Variants in TXNDC8 observed in about 807,000 individuals in gnomAD.
TXNDC8 encodes the protein thioredoxin domain-containing protein 8.
Under a neutral mutation model 12.9 loss-of-function variants are expected in TXNDC8, and 15 were observed. The observed-to-expected ratio is 1.16, with a 90% CI of 0.78 to 1.79. The LOEUF is 1.79. Ranked by LOEUF, TXNDC8 falls within the 40% of genes most tolerant of loss-of-function variation. The pLI is 0.00. For missense variants in TXNDC8, 128 were observed against 113.2 expected (o/e 1.13, Z -0.59); for synonymous variants, 40 against 35.4 (o/e 1.13, Z -0.46).
At chr9:110,326,110 T>C (rs183644281) in intron 3 of TXNDC8, 65 bp downstream of exon 4, 495 of 1,560,028 alleles carry the variant, frequency 3.2e-4, no homozygotes, top group Non-Finnish European at 3.9e-4. Flanking sequence ...ACAGCCAGGC[T>C]TTTTTGAGGG....
downstream of TXNDC8, among the ~76,000 whole-genome samples, chr9:110,303,357 A>T (rs1229901954): frequency 6.6e-6 from 1 of 152,264 alleles, no homozygotes; most frequent in Admixed American, 6.5e-5. Flanking sequence ...ATATTGCAAC[A>T]GTTTTTAGCA....
At chr9:110,321,724 G>GAA (rs60564039) in intron 3 of TXNDC8, among the ~76,000 whole-genome samples, 14,655 of 141,536 alleles carry the variant, frequency 0.1, 910 homozygotes, top group Admixed American at 0.14. Flanking sequence ...TCAGTTCTAT[G>GAA]AAAAAAAAAA....
At chr9:110,313,598 G>A (rs185445932) in intron 3 of TXNDC8, among the ~76,000 whole-genome samples, 215 of 152,320 alleles carry the variant, frequency 1.4e-3, no homozygotes, top group Non-Finnish European at 2.1e-3. Context: ...CTACTTGGGA[G>A]GCTGAGGCAG....
chr9:110,330,682 C>T (rs1839512601), intron 2 of TXNDC8, among the ~76,000 whole-genome samples: 1 of 152,166 alleles, frequency 6.6e-6, no homozygotes, highest in African/African-American at 2.4e-5. Context: ...TCTACCTGTT[C>T]TTTTAAATAA....
At chr9:110,307,311 A>T (rs1838506905) in intron 3 of TXNDC8, among the ~76,000 whole-genome samples, 1 of 152,050 alleles carries the variant, frequency 6.6e-6, no homozygotes, top group Non-Finnish European at 1.5e-5. Flanking sequence ...ATTGATGACC[A>T]TAGGCCTGTG....
intron 2 of TXNDC8, among the ~76,000 whole-genome samples, chr9:110,326,940 GCACACA>G (rs377527245): frequency 0.012 from 1,722 of 143,024 alleles, 32 homozygotes; most frequent in African/African-American, 0.042. Flanking sequence ...TGCTACTCAT[GCACACA>G]CACACACACA....
rs142450035 is a variant in TXNDC8 at position 110,314,807 on chromosome 9, C to T, written c.196-10275G>A. On this transcript the variant is annotated intron_variant, in intron 3 of 4. Transcript: ENST00000423740. ...TTCACATTGTTTTCTCGTTTTATTC[C>T]GATGTCGGGTTATGCCTCTCAAAGG... Among the ~76,000 whole-genome samples, 128 of 152,210 alleles carry T rather than the reference C, an allele frequency of 8.4e-4. 3 individuals are homozygous for T. In the East Asian group the frequency reaches 0.018, roughly 22 times the overall value.
chr9:110,304,484 C>T lies in TXNDC8; in HGVS notation c.244G>A (p.Gly82Arg). 6.2e-7 allele frequency: 1 copy of T among 1,609,154 alleles called. No individual in the cohort carries two copies. The highest frequency in any genetic ancestry group is 8.5e-7 in the Non-Finnish European group (1 of 1,176,942). Residue 82 changes from glycine to arginine, a missense_variant, in exon 4 of 5, where the codon GGA becomes AGA. Physicochemically the swap from Gly to Arg is moderately radical, Grantham distance 125 (BLOSUM62 -2). Coordinates refer to ENST00000423740, the MANE Select transcript of TXNDC8 (RefSeq NM_001286946.2). ...TCACTTACCAGGTTGCTCATGAATC[C>T]ACTTCTATAACAGCAAATTATTCTT...
chr9:110,326,935 C>T (rs1463797451), intron 2 of TXNDC8, among the ~76,000 whole-genome samples: 1 of 132,004 alleles, frequency 7.6e-6, no homozygotes, highest in Non-Finnish European at 1.6e-5. Context: ...TGCCCTGCTA[C>T]TCATGCACAC....
intron 3 of TXNDC8, among the ~76,000 whole-genome samples, chr9:110,306,320 T>TGGA (rs1838466720): frequency 6.6e-6 from 1 of 152,248 alleles, no homozygotes; most frequent in African/African-American, 2.4e-5. Context: ...CCATATGTTT[T>TGGA]ACCTTGGTCA....
chr9:110,306,619 C>T lies in TXNDC8; in HGVS notation c.196-2087G>A, dbSNP rs1017278818. On this transcript the variant is annotated intron_variant, in intron 3 of 4. Transcript: ENST00000423740. The stretch of plus-strand genomic sequence containing the variant: ...TACTTAATAAGTGCCTACTATGAGC[C>T]ACACTTACTGTGAACAAAACTGACA... Among the ~76,000 whole-genome samples, 2 of 152,188 alleles carry T rather than the reference C, an allele frequency of 1.3e-5. 1 individual carries two copies.
rs201113003 is a variant in TXNDC8, at chr9:110,325,513, CTTTTTTTTT to C, written c.195+653_195+661del. Among the ~76,000 whole-genome samples, 13 of 117,554 alleles carry C rather than the reference CTTTTTTTTT, an allele frequency of 1.1e-4. No individual in the cohort carries two copies. In the South Asian group the frequency reaches 3.6e-3, roughly 33 times the overall value. 77.1% of individuals were successfully genotyped at this position (117,554 alleles called of 152,430 possible). A position where few individuals can be genotyped will look rare whatever the true frequency, so the allele number is the denominator to read the frequency against. On this transcript the variant is annotated intron_variant, in intron 3 of 4. Coordinates refer to ENST00000423740, the MANE Select transcript of TXNDC8 (RefSeq NM_001286946.2). ...CAAGTATTGTTTAAACTTGTATACA[CTTTTTTTTT>C]TTTTTTTTTTTTGAGACGGAGTCTC...
At chr9:110,317,347 C>T (rs1301288769) in intron 3 of TXNDC8, among the ~76,000 whole-genome samples, 1 of 152,148 alleles carries the variant, frequency 6.6e-6, no homozygotes, top group Non-Finnish European at 1.5e-5. Context: ...TGCCTGTTTC[C>T]TATATCCCTT....
intron 3 of TXNDC8, among the ~76,000 whole-genome samples, chr9:110,305,850 T>C (rs78831849): frequency 0.062 from 7,534 of 122,500 alleles, 284 homozygotes; most frequent in Middle Eastern, 0.1. Context: ...TCTTTTCTTT[T>C]CTTTCTTTTT....
chr9:110,324,994 C>G (rs983563582), intron 3 of TXNDC8, among the ~76,000 whole-genome samples: 14 of 152,126 alleles, frequency 9.2e-5, no homozygotes, highest in Non-Finnish European at 4.4e-5. Flanking sequence ...TGCCTGTAAT[C>G]CCAGCTACTC....
chr9:110,329,091 A>G, intron 2 of TXNDC8, 141 bp downstream of exon 3: 2 of 690,130 alleles, frequency 2.9e-6, no homozygotes. Flanking sequence ...ATAATGAGGA[A>G]GTTTACTGTA....
At chr9:110,308,575 G>T (rs1293465380) in intron 3 of TXNDC8, among the ~76,000 whole-genome samples, 1 of 151,886 alleles carries the variant, frequency 6.6e-6, no homozygotes, top group Non-Finnish European at 1.5e-5. Context: ...GGGTAACAAG[G>T]CCTCTCTAAT....
chr9:110,326,898 C>G (rs1004166142), intron 2 of TXNDC8, among the ~76,000 whole-genome samples: 1 of 148,616 alleles, frequency 6.7e-6, no homozygotes, highest in South Asian at 2.1e-4. Flanking sequence ...TCTAATATAC[C>G]AATCATTTTG....
intron 3 of TXNDC8, among the ~76,000 whole-genome samples, chr9:110,306,620 A>G (rs1011327828): frequency 6.6e-6 from 1 of 152,226 alleles, no homozygotes; most frequent in Non-Finnish European, 1.5e-5. Context: ...ACTATGAGCC[A>G]CACTTACTGT....
Sources: gnomAD v4.1 joint callset for allele counts (sites outside exome capture counted in the v4.1 genomes callset) on GRCh38, gnomAD v4.1.1 for gene constraint, MANE v1.5 for transcripts, NCBI Gene and HGNC (gene_info 2026-07-23, HGNC 2026-07-21) for gene names.